TRPC5: variants seen among roughly 807,000 people sequenced by gnomAD.
TRPC5 encodes transient receptor potential cation channel subfamily C member 5.
In TRPC5, 9 loss-of-function variants were observed where a neutral mutation model predicts 56.5. The observed-to-expected ratio is 0.16, with a 90% CI of 0.10 to 0.28. TRPC5 has a LOEUF of 0.28. TRPC5 is among the 10% of genes least tolerant of loss of function. The pLI is 1.00. For synonymous variants in TRPC5, 282 were observed against 278.5 expected (o/e 1.01, Z -0.13); for missense variants, 469 against 748.9 (o/e 0.63, Z 4.36).
chrX:111,932,481 AAG>A (rs1164675774), intron 2 of TRPC5, among the ~76,000 whole-genome samples: 2 of 108,192 alleles, frequency 1.8e-5, no homozygotes, highest in East Asian at 5.9e-4. Flanking sequence ...CAGATGAAAG[AAG>A]AGAGTGTCAA....
rs1945876155 is a variant in TRPC5, at chrX:111,776,147, CAA to C, written c.*164_*165del. On this transcript the variant is annotated 3_prime_UTR_variant, in exon 11 of 11. Coordinates refer to ENST00000262839, the MANE Select transcript of TRPC5 (RefSeq NM_012471.3). Reference sequence around the variant, plus strand: ...AATAATAATGAAAGTAATAATAAAACAAGAACAAAAATGGAGAATGTGGCTAT... The same window carrying C: ...AATAATAATGAAAGTAATAATAAAACGAACAAAAATGGAGAATGTGGCTAT... The C allele has an allele frequency of 2.0e-5, 9 of 458,585 alleles. No homozygotes were observed. Among genetic ancestry groups the C allele is most frequent in the East Asian group, 7.6e-5 (2 of 26,315 alleles). The allele number at this position is 458,585 out of a possible 1,213,427, so 37.8% of individuals were successfully genotyped here.
intron 3 of TRPC5, among the ~76,000 whole-genome samples, chrX:111,909,152 TAAAAA>T (rs1170515112): frequency 8.8e-5 from 3 of 34,163 alleles, no homozygotes; most frequent in African/African-American, 2.0e-4. Flanking sequence ...ATAAATTAAT[TAAAAA>T]AAAAAAAAAA....
chrX:111,991,386 ATCATT>A (rs1049098856), intron 1 of TRPC5, among the ~76,000 whole-genome samples: 3 of 112,103 alleles, frequency 2.7e-5, no homozygotes, highest in African/African-American at 9.7e-5. Flanking sequence ...TTAATCTCTC[ATCATT>A]TAGATAATGT....
intron 3 of TRPC5, among the ~76,000 whole-genome samples, chrX:111,889,101 T>C (rs375354745): frequency 8.9e-6 from 1 of 112,082 alleles, no homozygotes; most frequent in East Asian, 2.8e-4. Context: ...TAAATAAATT[T>C]GGGAGTCATC....
chrX:111,865,057 C>T (rs1923507546), intron 3 of TRPC5, among the ~76,000 whole-genome samples: 3 of 110,725 alleles, frequency 2.7e-5, no homozygotes, highest in African/African-American at 9.9e-5. Context: ...CTGGCATGAT[C>T]TCAGCTCACT....
intron 6 of TRPC5, among the ~76,000 whole-genome samples, chrX:111,836,058 C>A (rs968763079): frequency 9.0e-6 from 1 of 111,449 alleles, no homozygotes. Flanking sequence ...CCCAAGGACA[C>A]CTTACTAGTA....
intron 3 of TRPC5, among the ~76,000 whole-genome samples, chrX:111,898,184 T>C (rs1262371143): frequency 1.9e-5 from 2 of 106,799 alleles, no homozygotes; most frequent in Non-Finnish European, 3.9e-5. Flanking sequence ...TTGAATTGTC[T>C]GTTCAGATCT....
chrX:112,019,440 CTTTTT>C (rs756001069), intron 1 of TRPC5, among the ~76,000 whole-genome samples: 4 of 102,393 alleles, frequency 3.9e-5, no homozygotes, highest in African/African-American at 1.4e-4. Flanking sequence ...CCCGGTTTTC[CTTTTT>C]TTTTTTTTGG....
chrX:111,899,710 A>G (rs1042049909), intron 3 of TRPC5, among the ~76,000 whole-genome samples: 18 of 111,216 alleles, frequency 1.6e-4, no homozygotes, highest in African/African-American at 5.5e-4. Context: ...CTCTCTTACA[A>G]TATTTAACAC....
chrX:112,059,772 GAGA>G (rs1930421702), intron 1 of TRPC5, among the ~76,000 whole-genome samples: 1 of 112,066 alleles, frequency 8.9e-6, no homozygotes, highest in Non-Finnish European at 1.9e-5. Context: ...AGCTCTCACA[GAGA>G]GCAGTTAGGG....
At chrX:111,850,103 G>C (rs1923042761) in intron 5 of TRPC5, among the ~76,000 whole-genome samples, 1 of 111,407 alleles carries the variant, frequency 9.0e-6, no homozygotes, top group Admixed American at 9.6e-5. Flanking sequence ...CTGACTGAAG[G>C]AAAGGCCATA....
intron 1 of TRPC5, among the ~76,000 whole-genome samples, chrX:111,970,844 A>G (rs1434760149): frequency 9.8e-6 from 1 of 101,701 alleles, no homozygotes; most frequent in Non-Finnish European, 2.0e-5. Context: ...ATCTCGGCTC[A>G]CTGCAAGCTC....
intron 6 of TRPC5, among the ~76,000 whole-genome samples, chrX:111,843,725 G>A (rs1922826462): frequency 9.0e-6 from 1 of 110,880 alleles, no homozygotes; most frequent in Non-Finnish European, 1.9e-5. Flanking sequence ...GAGCCAGGAT[G>A]CAACAGGTAT....
At chrX:111,796,024 C>T (rs1921078709) in intron 7 of TRPC5, among the ~76,000 whole-genome samples, 1 of 110,628 alleles carries the variant, frequency 9.0e-6, no homozygotes, top group Non-Finnish European at 1.9e-5. Context: ...TCTTTCTGTT[C>T]CCCAGACTAG....
chrX:111,775,173 A>G lies in TRPC5; in HGVS notation c.*1140T>C, dbSNP rs1377956010. ...ATGAATCCACTAGGGTTGTTATGAT[A>G]TATATCTAACATAATTTACACATGC... On this transcript the variant is annotated 3_prime_UTR_variant, in exon 11 of 11. Coordinates refer to ENST00000262839, the MANE Select transcript of TRPC5 (RefSeq NM_012471.3). The G allele has an allele frequency of 8.9e-6, 1 of 111,899 alleles. No homozygotes were observed. Among genetic ancestry groups the G allele is most frequent in the Non-Finnish European group, 1.9e-5 (1 of 53,210 alleles). 9.2% of individuals were successfully genotyped at this position (111,899 alleles called of 1,213,427 possible).
chrX:112,006,875 C>A (rs977179147), intron 1 of TRPC5, among the ~76,000 whole-genome samples: 1 of 111,026 alleles, frequency 9.0e-6, no homozygotes, highest in African/African-American at 3.3e-5. Flanking sequence ...GGGCCCAGTG[C>A]AAAATGAAAT....
chrX:111,900,356 C>T (rs771876868), intron 3 of TRPC5, among the ~76,000 whole-genome samples: 2 of 111,192 alleles, frequency 1.8e-5, no homozygotes, highest in Non-Finnish European at 3.8e-5. Context: ...GAATTAATAG[C>T]CAGAAATTTA....
intron 7 of TRPC5, among the ~76,000 whole-genome samples, chrX:111,787,455 G>A (rs1248463761): frequency 9.1e-6 from 1 of 110,493 alleles, no homozygotes; most frequent in Non-Finnish European, 1.9e-5. Context: ...GAGAAAGCAG[G>A]AAAGATCTAA....
intron 3 of TRPC5, among the ~76,000 whole-genome samples, chrX:111,906,382 C>T (rs1925627732): frequency 9.1e-6 from 1 of 109,849 alleles, no homozygotes; most frequent in Non-Finnish European, 1.9e-5. Flanking sequence ...AAAAAGGTGT[C>T]ATTAACAAAA....
Sources: allele counts gnomAD v4.1 joint callset (sites outside exome capture counted in the v4.1 genomes callset), GRCh38; gene constraint gnomAD v4.1.1; transcripts MANE v1.5; gene names NCBI Gene and HGNC (gene_info 2026-07-23, HGNC 2026-07-21).